Variants in SUSD6 observed in about 807,000 individuals in gnomAD.
SUSD6 encodes sushi domain-containing protein 6.
A neutral mutation model predicts 28.4 loss-of-function variants in SUSD6; 16 were observed. The observed-to-expected ratio is 0.56, with a 90% CI of 0.38 to 0.86. The LOEUF (loss-of-function observed/expected upper bound fraction) is 0.86. Ranked by LOEUF, SUSD6 falls within the 40% of genes least tolerant of loss-of-function variation. The probability of loss-of-function intolerance (pLI) is 0.00; values close to 1 mark genes in which losing one functional copy is unlikely to be tolerated. For synonymous variants in SUSD6, 147 were observed against 159.6 expected (o/e 0.92, Z 0.59); for missense variants, 341 against 384.2 (o/e 0.89, Z 0.94).
intron 1 of SUSD6, among the ~76,000 whole-genome samples, chr14:69,648,303 A>T (rs1885456832): frequency 1.3e-5 from 2 of 152,230 alleles, no homozygotes. Context: ...AGTAGCTATC[A>T]CGCAGAGAGA....
chr14:69,697,954 A>G (rs1042169516), intron 2 of SUSD6, among the ~76,000 whole-genome samples: 6 of 152,258 alleles, frequency 3.9e-5, no homozygotes, highest in Admixed American at 2.6e-4. Flanking sequence ...CCAGATCCAG[A>G]CCCCAACAGA....
intron 2 of SUSD6, among the ~76,000 whole-genome samples, chr14:69,674,479 C>T (rs962038308): frequency 6.6e-6 from 1 of 152,080 alleles, no homozygotes. Flanking sequence ...GCATGTACGT[C>T]GAGTGCTTTG....
intron 2 of SUSD6, among the ~76,000 whole-genome samples, chr14:69,700,424 G>A (rs777718114): frequency 2.4e-4 from 36 of 151,952 alleles, no homozygotes; most frequent in Admixed American, 9.8e-4. Flanking sequence ...AACCTTCAGC[G>A]GCTCCCCCTT....
At chr14:69,704,976 T>G (rs1886367286) in intron 4 of SUSD6, among the ~76,000 whole-genome samples, 1 of 152,110 alleles carries the variant, frequency 6.6e-6, no homozygotes, top group African/African-American at 2.4e-5. Flanking sequence ...AAATTGAGGC[T>G]CAGAGAGGTT....
intron 1 of SUSD6, among the ~76,000 whole-genome samples, chr14:69,622,071 A>T (rs956179886): frequency 6.6e-6 from 1 of 152,180 alleles, no homozygotes; most frequent in East Asian, 1.9e-4. Flanking sequence ...TCTTTCCTAT[A>T]TACTAATTAT....
chr14:69,664,820 G>A (rs190101053), intron 2 of SUSD6, among the ~76,000 whole-genome samples: 10 of 152,262 alleles, frequency 6.6e-5, no homozygotes, highest in Admixed American at 5.2e-4. Context: ...TTACCTACCC[G>A]ACTTTCTGCA....
chr14:69,671,077 A>G (rs1885824654), intron 2 of SUSD6, among the ~76,000 whole-genome samples: 1 of 152,232 alleles, frequency 6.6e-6, no homozygotes, highest in Non-Finnish European at 1.5e-5. Flanking sequence ...AAGCACCCAG[A>G]TAGGACTGAG....
intron 2 of SUSD6, among the ~76,000 whole-genome samples, chr14:69,669,322 A>G (rs966576739): frequency 6.6e-6 from 1 of 152,146 alleles, no homozygotes; most frequent in African/African-American, 2.4e-5. Flanking sequence ...TCGGCCTCCC[A>G]AAGTGCTGGG....
At chr14:69,646,611 C>T (rs565348757) in intron 1 of SUSD6, among the ~76,000 whole-genome samples, 147 of 151,418 alleles carry the variant, frequency 9.7e-4, no homozygotes, top group African/African-American at 3.5e-3. Flanking sequence ...ACCAAACCTG[C>T]TTATTCACCT....
chr14:69,660,675 A>G (rs1243290303), intron 2 of SUSD6, among the ~76,000 whole-genome samples: 2 of 152,284 alleles, frequency 1.3e-5, no homozygotes, highest in Non-Finnish European at 2.9e-5. Context: ...CCTACCTGCC[A>G]TCTGCTTTTG....
At chr14:69,649,218 A>C (rs570491650) in intron 1 of SUSD6, among the ~76,000 whole-genome samples, 2 of 152,192 alleles carry the variant, frequency 1.3e-5, no homozygotes, top group South Asian at 4.1e-4. Context: ...ATTCATCTCT[A>C]TGATCACCCA....
chr14:69,646,042 G>T (rs1289250483), intron 1 of SUSD6, among the ~76,000 whole-genome samples: 1 of 152,120 alleles, frequency 6.6e-6, no homozygotes, highest in Non-Finnish European at 1.5e-5. Context: ...GAGCCACTGC[G>T]CCTGGCCTCC....
chr14:69,689,671 A>G (rs1350767696), intron 2 of SUSD6, among the ~76,000 whole-genome samples: 1 of 152,160 alleles, frequency 6.6e-6, no homozygotes, highest in Non-Finnish European at 1.5e-5. Flanking sequence ...ACTTTTAAAA[A>G]TTTGTTTAAT....
chr14:69,699,108 A>G (rs1020303538), intron 2 of SUSD6, among the ~76,000 whole-genome samples: 8 of 152,180 alleles, frequency 5.3e-5, no homozygotes, highest in Non-Finnish European at 1.5e-5. Flanking sequence ...TGTTCTTCCC[A>G]GGCATCACTG....
chr14:69,696,064 A>G (rs1021856781), intron 2 of SUSD6, among the ~76,000 whole-genome samples: 1 of 152,254 alleles, frequency 6.6e-6, no homozygotes, highest in African/African-American at 2.4e-5. Flanking sequence ...CTCCAAAGCC[A>G]TAGGCTGAGC....
rs1886419670 is a variant in SUSD6, at chr14:69,708,765, G to A, written c.547G>A (p.Gly183Ser). 1.9e-6 allele frequency: 3 copies of A among 1,614,044 alleles called. No individual in the cohort carries two copies. The highest frequency in any genetic ancestry group is 2.5e-6 in the Non-Finnish European group (3 of 1,180,038). Residue 183 changes from glycine (G) to serine (S), a missense_variant, in exon 5 of 6, where the codon GGC (glycine) becomes AGC (serine). Physicochemically the swap from Gly to Ser is moderately conservative, Grantham distance 56. Transcript: ENST00000342745. ...ACCATCATACGAGGAGGCTGTATAT[G>A]GCAGTTCTGGTCACTGTGTGCCACC... is the stretch of plus-strand genomic sequence containing the variant. ...ALPSYEEAVY[G>S]SSGHCVPPAD... is the part of the protein sequence containing the mutation.
At chr14:69,613,547 C>G (rs570908225) in intron 1 of SUSD6, among the ~76,000 whole-genome samples, 1 of 152,270 alleles carries the variant, frequency 6.6e-6, no homozygotes, top group African/African-American at 2.4e-5. Flanking sequence ...TATGTGATAC[C>G]GAATGTATGC....
intron 2 of SUSD6, among the ~76,000 whole-genome samples, chr14:69,664,666 C>T (rs1405664140): frequency 1.3e-5 from 2 of 152,174 alleles, no homozygotes; most frequent in Non-Finnish European, 2.9e-5. Context: ...ACCACCCTCG[C>T]ACTGTAACTT....
At chr14:69,695,296 ACCACAAGT>A (rs1245927214) in intron 2 of SUSD6, among the ~76,000 whole-genome samples, 1 of 152,138 alleles carries the variant, frequency 6.6e-6, no homozygotes, top group Non-Finnish European at 1.5e-5. Flanking sequence ...TCCGGCTCTC[ACCACAAGT>A]CCACAGCAGG....
Sources: gnomAD v4.1 joint callset for allele counts (sites outside exome capture counted in the v4.1 genomes callset) on GRCh38, gnomAD v4.1.1 for gene constraint, MANE v1.5 for transcripts, NCBI Gene and HGNC (gene_info 2026-07-23, HGNC 2026-07-21) for gene names.